The following CREG2 variants were observed in gnomAD, a reference collection of about 807,000 sequenced individuals.
CREG2 encodes protein CREG2.
A neutral mutation model predicts 26.2 loss-of-function variants in CREG2; 24 were observed. That is an observed-to-expected ratio of 0.92 (90% CI 0.66 to 1.29). CREG2 has a LOEUF of 1.29. CREG2 is among the 50% of genes most tolerant of loss of function. The pLI, the probability that CREG2 is intolerant of heterozygous loss-of-function variation, is 0.00. For missense variants in CREG2, 366 were observed against 398.6 expected, an observed-to-expected ratio of 0.92 and a Z score of 0.70; for synonymous variants, 174 against 169.2, an observed-to-expected ratio of 1.03 and a Z score of -0.22.
At chr2:101,375,098 C>T (rs1684769646) in intron 2 of CREG2, among the ~76,000 whole-genome samples, 2 of 152,146 alleles carry the variant, frequency 1.3e-5, no homozygotes, top group Non-Finnish European at 1.5e-5. Context: ...ATTACATCTA[C>T]GTCCCCGCAC....
intron 2 of CREG2, among the ~76,000 whole-genome samples, chr2:101,365,838 G>C: frequency 6.6e-6 from 1 of 151,966 alleles, no homozygotes; most frequent in Admixed American, 6.6e-5. Flanking sequence ...TACTTTTCAG[G>C]GTATTGTGAA....
chr2:101,363,311 G>T (rs963988728), intron 2 of CREG2, among the ~76,000 whole-genome samples: 1 of 152,148 alleles, frequency 6.6e-6, no homozygotes, highest in Admixed American at 6.5e-5. Flanking sequence ...ACACAATAAG[G>T]CAGTGCTCTT....
intron 1 of CREG2, among the ~76,000 whole-genome samples, chr2:101,384,893 G>A (rs1444294868): frequency 6.6e-6 from 1 of 151,936 alleles, no homozygotes; most frequent in Non-Finnish European, 1.5e-5. Context: ...AAAGAGCCTG[G>A]CACCTTCCCC....
chr2:101,382,473 A>T, intron 2 of CREG2: 1 of 980,874 alleles, frequency 1.0e-6, no homozygotes, highest in Non-Finnish European at 1.2e-6. Flanking sequence ...GGTATCCTGG[A>T]AATGTACTTC....
chr2:101,368,316 G>GA (rs56011125), intron 2 of CREG2, among the ~76,000 whole-genome samples: 2,789 of 142,948 alleles, frequency 0.02, 82 homozygotes, highest in African/African-American at 0.066. Flanking sequence ...AAAGAAAAAA[G>GA]AAAAAAAAAA....
At position 101,355,391 on chromosome 2, in the gene CREG2, A is replaced by G; in HGVS notation, c.612-25T>C. The G allele has an allele frequency of 3.4e-6, 5 of 1,459,146 alleles. No homozygotes were observed. The South Asian group carries it at 3.4e-5, about 10-fold the overall frequency. 90.4% of individuals were successfully genotyped at this position (1,459,146 alleles called of 1,614,324 possible). ...TCTGCATGTGAAAAACATTTTTTGTATATCAGAACAAGGACAGAACATCAG... is the reference window on the plus strand; with the variant it reads ...TCTGCATGTGAAAAACATTTTTTGTGTATCAGAACAAGGACAGAACATCAG... On this transcript the variant is annotated intron_variant, in intron 2 of 3. Transcript: ENST00000324768.
Position 101,355,375 on chromosome 2 carries a change from G to A in CREG2, c.612-9C>T, listed in dbSNP as rs771028344. 5 of 1,582,400 alleles carry A rather than the reference G, an allele frequency of 3.2e-6. No individual in the cohort carries two copies. The highest frequency in any genetic ancestry group is 3.5e-6 in the Non-Finnish European group (4 of 1,151,750). ...GATCAACGATGTTTTTTCTGCATGT[G>A]AAAAACATTTTTTGTATATCAGAAC... On this transcript the variant is annotated splice_polypyrimidine_tract_variant and intron_variant, in intron 2 of 3. Coordinates refer to ENST00000324768, the MANE Select transcript of CREG2 (RefSeq NM_153836.4).
intron 2 of CREG2, among the ~76,000 whole-genome samples, chr2:101,365,735 C>T (rs1684609437): frequency 6.6e-6 from 1 of 152,050 alleles, no homozygotes; most frequent in African/African-American, 2.4e-5. Context: ...TCTATGTCTC[C>T]CATATATGTA....
chr2:101,381,188 G>A (rs997334909), intron 2 of CREG2, among the ~76,000 whole-genome samples: 2 of 152,198 alleles, frequency 1.3e-5, no homozygotes, highest in Admixed American at 6.5e-5. Context: ...ACAGGCAGGA[G>A]GGGCACCTTG....
chr2:101,379,005 CA>C (rs530950537), intron 2 of CREG2, among the ~76,000 whole-genome samples: 68 of 137,906 alleles, frequency 4.9e-4, no homozygotes, highest in Admixed American at 4.4e-4. Flanking sequence ...GACTCCATCT[CA>C]AAAAAAAAAA....
intron 2 of CREG2, among the ~76,000 whole-genome samples, chr2:101,357,371 G>T (rs763226376): frequency 3.3e-5 from 5 of 152,172 alleles, no homozygotes; most frequent in Admixed American, 1.3e-4. Flanking sequence ...TCATGTCAGG[G>T]TGCCTATTTC....
Position 101,347,906 on chromosome 2 carries a change from C to A in CREG2, c.*3017G>T, listed in dbSNP as rs1165816404. ...ACAACCCTTTGCTTAGCCCTAGTTC[C>A]AAAAGATTTTCTATATCCTATAGTT... On this transcript the variant is annotated 3_prime_UTR_variant, in exon 4 of 4. Transcript: ENST00000324768. 6.6e-6 allele frequency: 1 copy of A among 152,130 alleles called. No homozygotes were observed. The allele number at this position is 152,130 out of a possible 1,614,324, so 9.4% of individuals were successfully genotyped here. A position where few individuals can be genotyped will look rare whatever the true frequency, so the allele number is the denominator to read the frequency against.
intron 3 of CREG2, among the ~76,000 whole-genome samples, chr2:101,352,448 T>C (rs1684397938): frequency 6.6e-6 from 1 of 152,158 alleles, no homozygotes. Context: ...GGGCACTGGC[T>C]CTGGGCCCAG....
intron 2 of CREG2, among the ~76,000 whole-genome samples, chr2:101,361,352 G>A (rs1208995279): frequency 6.6e-6 from 1 of 152,192 alleles, no homozygotes; most frequent in Non-Finnish European, 1.5e-5. Flanking sequence ...GAGGAAGTCG[G>A]TTGCTAATCA....
chr2:101,373,621 A>G (rs2104480885), intron 2 of CREG2, among the ~76,000 whole-genome samples: 1 of 152,362 alleles, frequency 6.6e-6, no homozygotes, highest in East Asian at 1.9e-4. Flanking sequence ...GGTGGTCAGA[A>G]GATGGAGGAA....
intron 3 of CREG2, 151 bp from the exon 4 acceptor site, chr2:101,351,221 G>A (rs1558812468): frequency 1.4e-6 from 1 of 711,912 alleles, no homozygotes; most frequent in Non-Finnish European, 2.2e-6. Flanking sequence ...GAGTGTCAGT[G>A]CCTGGGACCA....
At chr2:101,359,544 C>A (rs768786226) in intron 2 of CREG2, among the ~76,000 whole-genome samples, 2 of 152,156 alleles carry the variant, frequency 1.3e-5, no homozygotes, top group Non-Finnish European at 2.9e-5. Context: ...ACTACCTTTC[C>A]CTGGCACTGG....
At chr2:101,378,984 C>G (rs183471751) in intron 2 of CREG2, among the ~76,000 whole-genome samples, 1 of 150,354 alleles carries the variant, frequency 6.7e-6, no homozygotes, top group Admixed American at 6.7e-5. Flanking sequence ...CTAGCCTGGG[C>G]GACAGAGTGA....
At chr2:101,373,482 GC>G (rs771792213) in intron 2 of CREG2, among the ~76,000 whole-genome samples, 125 of 152,312 alleles carry the variant, frequency 8.2e-4, no homozygotes, top group Middle Eastern at 3.4e-3. Flanking sequence ...CATCTTAACA[GC>G]CCTGAAAGCT....
Sources: gnomAD v4.1 joint callset for allele counts (sites outside exome capture counted in the v4.1 genomes callset) on GRCh38, gnomAD v4.1.1 for gene constraint, MANE v1.5 for transcripts, NCBI Gene and HGNC (gene_info 2026-07-23, HGNC 2026-07-21) for gene names.